Variants in RCAN1 observed in about 807,000 individuals in gnomAD.
RCAN1 encodes the protein calcipressin-1.
RCAN1 carries 11 observed loss-of-function variants against 22.9 expected under a neutral mutation model. The observed-to-expected ratio is 0.48, with a 90% CI of 0.30 to 0.79. The LOEUF (loss-of-function observed/expected upper bound fraction) is 0.79. RCAN1 is among the 30% of genes least tolerant of loss of function. The pLI is 0.06. For synonymous variants in RCAN1, 136 were observed against 142.3 expected, an observed-to-expected ratio of 0.96 and a Z score of 0.32; for missense variants, 291 against 337.8, an observed-to-expected ratio of 0.86 and a Z score of 1.09.
intron 1 of RCAN1, among the ~76,000 whole-genome samples, chr21:34,579,960 T>A: frequency 6.6e-6 from 1 of 152,166 alleles, no homozygotes; most frequent in East Asian, 1.9e-4. Flanking sequence ...TGCTAACCTA[T>A]CTCCTAGGGC....
At chr21:34,596,673 C>T (rs564344485) in intron 1 of RCAN1, among the ~76,000 whole-genome samples, 6 of 152,194 alleles carry the variant, frequency 3.9e-5, no homozygotes, top group Non-Finnish European at 2.9e-5. Context: ...AAAATACATT[C>T]GAACCGGGAT....
chr21:34,573,496 C>T (rs1027973921), intron 1 of RCAN1, among the ~76,000 whole-genome samples: 1 of 152,224 alleles, frequency 6.6e-6, no homozygotes, highest in African/African-American at 2.4e-5. Context: ...ACTGGTCCCA[C>T]TACAAATGCA....
chr21:34,603,454 T>C (rs370472229), intron 1 of RCAN1, among the ~76,000 whole-genome samples: 1 of 152,298 alleles, frequency 6.6e-6, no homozygotes, highest in African/African-American at 2.4e-5. Context: ...CGTTGGAGAA[T>C]TAAGTGGGCA....
At chr21:34,544,036 G>T (rs981517945) in intron 1 of RCAN1, among the ~76,000 whole-genome samples, 1 of 152,244 alleles carries the variant, frequency 6.6e-6, no homozygotes, top group Non-Finnish European at 1.5e-5. Flanking sequence ...TAAGTCAAAG[G>T]TTGTTGTAGA....
chr21:34,576,752 A>T (rs933314239), intron 1 of RCAN1, among the ~76,000 whole-genome samples: 1 of 152,236 alleles, frequency 6.6e-6, no homozygotes. Context: ...TATGCTAATC[A>T]CATCAATATT....
At chr21:34,572,525 G>T (rs928500420) in intron 1 of RCAN1, among the ~76,000 whole-genome samples, 3 of 152,116 alleles carry the variant, frequency 2.0e-5, no homozygotes, top group Admixed American at 6.5e-5. Flanking sequence ...TTCAGTGAAA[G>T]AATTCACTTA....
chr21:34,555,271 C>T (rs1186912552), intron 1 of RCAN1, among the ~76,000 whole-genome samples: 1 of 152,184 alleles, frequency 6.6e-6, no homozygotes, highest in Non-Finnish European at 1.5e-5. Context: ...TATAAAAAGA[C>T]ATTCATGAGC....
chr21:34,579,081 G>A (rs1987514888), intron 1 of RCAN1, among the ~76,000 whole-genome samples: 1 of 152,194 alleles, frequency 6.6e-6, no homozygotes, highest in East Asian at 1.9e-4. Context: ...TTTAGGAACT[G>A]CTTGGAAGAG....
At position 34,525,344 on chromosome 21, in the gene RCAN1, A is replaced by C. The variant is rs1601135147; in HGVS notation, c.253-1634T>G. ...TTTCTTCAGTTTAGGGACATTTCTG[A>C]GACTTTCCCACGAGGGATCCCGCAG... On this transcript the variant is annotated intron_variant, in intron 1 of 3. Coordinates refer to ENST00000313806, the MANE Select transcript of RCAN1 (RefSeq NM_004414.7). The C allele has an allele frequency of 2.0e-6, 3 of 1,496,032 alleles. No individual in the cohort carries two copies. The East Asian group carries it at 7.5e-5, about 37-fold the overall frequency. The allele number at this position is 1,496,032 out of a possible 1,614,324, so 92.7% of individuals were successfully genotyped here. A position where few individuals can be genotyped will look rare whatever the true frequency, so the allele number is the denominator to read the frequency against.
At chr21:34,594,714 G>A (rs1480404457) in intron 1 of RCAN1, among the ~76,000 whole-genome samples, 1 of 152,208 alleles carries the variant, frequency 6.6e-6, no homozygotes, top group East Asian at 1.9e-4. Context: ...AATGGGCCAG[G>A]TGCACAGCAG....
At chr21:34,611,466 T>C (rs1988685284) in intron 1 of RCAN1, among the ~76,000 whole-genome samples, 1 of 152,200 alleles carries the variant, frequency 6.6e-6, no homozygotes, top group African/African-American at 2.4e-5. Context: ...ACAAAACAGC[T>C]TCTGATGTAA....
At chr21:34,540,638 A>T (rs768449994) in intron 1 of RCAN1, among the ~76,000 whole-genome samples, 1 of 152,186 alleles carries the variant, frequency 6.6e-6, no homozygotes, top group African/African-American at 2.4e-5. Flanking sequence ...GCAGCCAAGT[A>T]ACTGACTCTT....
At chr21:34,581,871 A>C (rs1442163151) in intron 1 of RCAN1, among the ~76,000 whole-genome samples, 1 of 152,208 alleles carries the variant, frequency 6.6e-6, no homozygotes, top group Non-Finnish European at 1.5e-5. Context: ...CTGCCTCTCC[A>C]TTTAGGTCGC....
At chr21:34,574,467 G>A (rs937556755) in intron 1 of RCAN1, among the ~76,000 whole-genome samples, 1 of 152,230 alleles carries the variant, frequency 6.6e-6, no homozygotes, top group African/African-American at 2.4e-5. Context: ...GATTTAGGAT[G>A]CACTAGACCC....
chr21:34,555,880 G>A lies in RCAN1; in HGVS notation c.253-32170C>T, dbSNP rs529313375. Among the ~76,000 whole-genome samples the A allele has an allele frequency of 1.2e-3, 184 of 151,428 alleles. 5 individuals carry two copies. The South Asian group carries it at 0.038, about 31-fold the overall frequency. Reference sequence around the variant, plus strand: ...AGATTGAGACTATCCTGGCTAACACGATGAAACCCTGTCTCTACGAAAAAT... The same window carrying A: ...AGATTGAGACTATCCTGGCTAACACAATGAAACCCTGTCTCTACGAAAAAT... On this transcript the variant is annotated intron_variant, in intron 1 of 3. Transcript: ENST00000313806.
intron 1 of RCAN1, among the ~76,000 whole-genome samples, chr21:34,605,921 GA>G (rs1166424278): frequency 0.046 from 471 of 10,148 alleles, 1 homozygote; most frequent in African/African-American, 0.11. Context: ...CTCGGTCTCA[GA>G]AAAAAAAAAA....
chr21:34,614,482 C>G lies in RCAN1; in HGVS notation c.252+278G>C, dbSNP rs912670434. The G allele has an allele frequency of 1.8e-5, 18 of 1,024,620 alleles. No individual in the cohort carries two copies. The highest frequency in any genetic ancestry group is 2.1e-5 in the Non-Finnish European group (18 of 860,308). 63.5% of individuals were successfully genotyped at this position (1,024,620 alleles called of 1,614,324 possible). Reference sequence around the variant, plus strand: ...GCCCCACCTTGGGGAGCGAATTCACCCCCCTAGTCGCACCAGCCTGGGCGC... The same window carrying G: ...GCCCCACCTTGGGGAGCGAATTCACGCCCCTAGTCGCACCAGCCTGGGCGC... On this transcript the variant is annotated intron_variant, in intron 1 of 3. Transcript: ENST00000313806. The surrounding 1 kb of genome is among the most constrained non-coding windows in gnomAD (Gnocchi z 6.0).
chr21:34,576,234 G>A (rs1299094110), intron 1 of RCAN1, among the ~76,000 whole-genome samples: 2 of 152,196 alleles, frequency 1.3e-5, no homozygotes, highest in Non-Finnish European at 2.9e-5. Context: ...ACAGGGTTTT[G>A]CATTACCTTT....
chr21:34,521,543 A>ACTGGGGTC lies in RCAN1; in HGVS notation c.534_541dup (p.Val181GlyfsTer5). The ACTGGGGTC allele has an allele frequency of 1.9e-6, 3 of 1,614,182 alleles. No homozygotes were observed. The highest frequency in any genetic ancestry group is 2.5e-6 in the Non-Finnish European group (3 of 1,180,036). ...GGCATATAAGAGATCATAGTTTATG[A>ACTGGGGTC]CTGGGGTCGCATCTTCCACTTGTTT... is the stretch of plus-strand genomic sequence containing the variant. On this transcript the variant is annotated frameshift_variant, in exon 3 of 4. Transcript: ENST00000313806. LOFTEE classifies it high-confidence loss of function.
Sources: gnomAD v4.1 joint callset for allele counts (sites outside exome capture counted in the v4.1 genomes callset) on GRCh38, gnomAD v4.1.1 for gene constraint, Gnocchi (gnomAD v3.1) non-coding constraint, MANE v1.5 for transcripts, NCBI Gene and HGNC (gene_info 2026-07-23, HGNC 2026-07-21) for gene names.